Variants in KANK1 observed in about 807,000 individuals in gnomAD.
KANK1 encodes KN motif and ankyrin repeat domains 1.
A neutral mutation model predicts 106.2 loss-of-function variants in KANK1; 109 were observed. The ratio of observed to expected loss-of-function variants is 1.03; its 90% CI spans 0.88 to 1.20. The LOEUF is 1.20. KANK1 is among the 50% of genes most tolerant of loss of function. KANK1 has a pLI of 0.00. For synonymous variants in KANK1, 873 were observed against 652.2 expected, an observed-to-expected ratio of 1.34 and a Z score of -5.16; for missense variants, 2,399 against 1,710.7, an observed-to-expected ratio of 1.40 and a Z score of -7.10.
chr9:536,575 C>CGTAA (rs1442239351), intron 1 of KANK1, among the ~76,000 whole-genome samples: 1 of 152,182 alleles, frequency 6.6e-6, no homozygotes, highest in Non-Finnish European at 1.5e-5. Flanking sequence ...GTCCCTTTTA[C>CGTAA]GCCTGACATT....
chr9:510,607 G>A (rs955269866), intron 1 of KANK1, among the ~76,000 whole-genome samples: 4 of 152,184 alleles, frequency 2.6e-5, no homozygotes, highest in South Asian at 2.1e-4. Flanking sequence ...AGAGATCAGC[G>A]GTGCATAGGG....
chr9:541,812 G>C (rs921314250), intron 1 of KANK1, among the ~76,000 whole-genome samples: 1 of 152,112 alleles, frequency 6.6e-6, no homozygotes, highest in Non-Finnish European at 1.5e-5. Flanking sequence ...TGAACAGGCC[G>C]GGCGCGGTGG....
At chr9:559,790 C>T (rs1215212705) in intron 1 of KANK1, among the ~76,000 whole-genome samples, 1 of 152,150 alleles carries the variant, frequency 6.6e-6, no homozygotes, top group African/African-American at 2.4e-5. Flanking sequence ...TGAGTTTTCT[C>T]GGATTAAATA....
chr9:737,592 A>C (rs933662774), intron 7 of KANK1, among the ~76,000 whole-genome samples: 1 of 152,226 alleles, frequency 6.6e-6, no homozygotes, highest in Non-Finnish European at 1.5e-5. Context: ...AGCCTAAGGA[A>C]GTCAGAGTGG....
At chr9:547,755 C>T (rs868718108) in intron 1 of KANK1, among the ~76,000 whole-genome samples, 1 of 143,002 alleles carries the variant, frequency 7.0e-6, no homozygotes, top group Non-Finnish European at 1.6e-5. Context: ...CTCTGTATAA[C>T]TGCTTGGTCT....
At chr9:657,633 CT>C (rs1842441227) in intron 1 of KANK1, among the ~76,000 whole-genome samples, 1 of 151,914 alleles carries the variant, frequency 6.6e-6, no homozygotes, top group Non-Finnish European at 1.5e-5. Flanking sequence ...TTGGTTCTGC[CT>C]TTTTAAACTC....
chr9:485,078 C>A (rs1199424172), intron 3 of KANK1, among the ~76,000 whole-genome samples: 1 of 152,192 alleles, frequency 6.6e-6, no homozygotes, highest in African/African-American at 2.4e-5. Context: ...AAACAGCATT[C>A]ATTCACCTGA....
At chr9:557,339 A>G (rs954919360) in intron 1 of KANK1, among the ~76,000 whole-genome samples, 1 of 152,216 alleles carries the variant, frequency 6.6e-6, no homozygotes. Context: ...CTGGCAAAAT[A>G]TGTATCATTG....
chr9:567,289 T>G (rs573599839), intron 1 of KANK1, among the ~76,000 whole-genome samples: 1 of 152,356 alleles, frequency 6.6e-6, no homozygotes, highest in East Asian at 1.9e-4. Flanking sequence ...TGCCTCCAGC[T>G]TTGTTCTTTT....
chr9:651,183 C>G (rs9408648), intron 1 of KANK1, among the ~76,000 whole-genome samples: 29,237 of 152,188 alleles, frequency 0.19, 2,982 homozygotes, highest in East Asian at 0.32. Flanking sequence ...CACTAAAAAT[C>G]ATACATATGT....
At chr9:697,409 A>G (rs544703499) in intron 2 of KANK1, among the ~76,000 whole-genome samples, 5 of 152,238 alleles carry the variant, frequency 3.3e-5, no homozygotes, top group Admixed American at 2.0e-4. Flanking sequence ...GCCACAGAAA[A>G]GAGCTTTTAG....
intron 1 of KANK1, among the ~76,000 whole-genome samples, chr9:654,643 T>G (rs1020871450): frequency 1.3e-5 from 2 of 152,160 alleles, no homozygotes; most frequent in Admixed American, 1.3e-4. Flanking sequence ...AGCATCCACA[T>G]TTTTAAATGA....
At position 696,176 on chromosome 9, in the gene KANK1, C is replaced by T. The variant is rs73372997; in HGVS notation, c.38-14628C>T. Among the ~76,000 whole-genome samples, 940 of 151,550 alleles carry T rather than the reference C, an allele frequency of 6.2e-3. 13 individuals carry two copies. Among genetic ancestry groups the T allele is most frequent in the African/African-American group, 0.022 (896 of 41,264 alleles). ...GCGGGCGCCTGTAGTCCCAGCTACT[C>T]GGGAGGCTGAGGCAGGAGAATGGCG... On this transcript the variant is annotated intron_variant, in intron 2 of 11. Transcript: ENST00000382297.
rs1303735767 is a variant in KANK1, at chr9:745,740, T to C, written c.*505T>C. 1.3e-5 allele frequency: 2 copies of C among 152,644 alleles called. No individual in the cohort carries two copies. The highest frequency in any genetic ancestry group is 2.9e-5 in the Non-Finnish European group (2 of 68,126). 9.5% of individuals were successfully genotyped at this position (152,644 alleles called of 1,614,324 possible). ...TAACTTGGGCCTGGGCCAGACAAAG[T>C]ATAAAACTTACAAAAGAATATTCTC... On this transcript the variant is annotated 3_prime_UTR_variant, in exon 12 of 12. Coordinates refer to ENST00000382297, the MANE Select transcript of KANK1 (RefSeq NM_015158.5).
rs144347427 is a variant in KANK1 at position 563,661 on chromosome 9, T to A, written c.-84+58907T>A. Among the ~76,000 whole-genome samples, 31 of 152,296 alleles carry A rather than the reference T, an allele frequency of 2.0e-4. No individual in the cohort carries two copies. The East Asian group carries it at 3.9e-3, about 19-fold the overall frequency. On this transcript the variant is annotated intron_variant, in intron 1 of 11. Transcript: ENST00000382297. ...ATCCTTGGGTGTGAGGTCAGAAGTG[T>A]CAGTGAAATTGAGTCCAGAATTGTA...
At chr9:634,185 T>G (rs981140161) in intron 1 of KANK1, among the ~76,000 whole-genome samples, 1 of 152,252 alleles carries the variant, frequency 6.6e-6, no homozygotes, top group African/African-American at 2.4e-5. Context: ...CAAATCAATC[T>G]CCCCAAAGGC....
chr9:627,630 T>TG (rs1320520337), intron 1 of KANK1, among the ~76,000 whole-genome samples: 2 of 152,178 alleles, frequency 1.3e-5, no homozygotes, highest in Non-Finnish European at 2.9e-5. Context: ...TCTGGAGTCT[T>TG]CTTCAGTCTG....
intron 1 of KANK1, among the ~76,000 whole-genome samples, chr9:676,477 G>T (rs1379980006): frequency 2.0e-5 from 3 of 152,160 alleles, no homozygotes; most frequent in Non-Finnish European, 4.4e-5. Context: ...TAAACATTTG[G>T]TGCAATAATT....
At chr9:507,778 A>G (rs2058833298) in intron 1 of KANK1, among the ~76,000 whole-genome samples, 1 of 151,968 alleles carries the variant, frequency 6.6e-6, no homozygotes, top group Non-Finnish European at 1.5e-5. Flanking sequence ...GGATGGTCTC[A>G]ATCTCTTGAC....
Sources: gnomAD v4.1 joint callset for allele counts (sites outside exome capture counted in the v4.1 genomes callset) on GRCh38, gnomAD v4.1.1 for gene constraint, MANE v1.5 for transcripts, NCBI Gene and HGNC (gene_info 2026-07-23, HGNC 2026-07-21) for gene names.